The following SIPA1L1 variants were observed in gnomAD, a reference collection of about 807,000 sequenced individuals.
SIPA1L1 encodes signal-induced proliferation-associated 1-like protein 1.
SIPA1L1 carries 26 observed loss-of-function variants against 162.7 expected under a neutral mutation model. The ratio of observed to expected loss-of-function variants is 0.16; its 90% CI spans 0.12 to 0.22. SIPA1L1 has a LOEUF of 0.22. Among genes scored for constraint, SIPA1L1 ranks in the 10% least tolerant of loss-of-function variants. SIPA1L1 has a pLI of 1.00. For missense variants in SIPA1L1, 1,874 were observed against 2,241.0 expected, an observed-to-expected ratio of 0.84 and a Z score of 3.31; for synonymous variants, 829 against 837.4, an observed-to-expected ratio of 0.99 and a Z score of 0.17.
At chr14:71,460,073 TAAAG>T (rs1195845409) in intron 2 of SIPA1L1, among the ~76,000 whole-genome samples, 1 of 152,220 alleles carries the variant, frequency 6.6e-6, no homozygotes, top group Admixed American at 6.5e-5. Context: ...TGTCTCATGA[TAAAG>T]GAAAAGGAAA....
intron 7 of SIPA1L1, among the ~76,000 whole-genome samples, chr14:71,627,174 T>TTTTTTTG (rs2040101213): frequency 9.3e-6 from 1 of 107,344 alleles, no homozygotes; most frequent in African/African-American, 3.8e-5. Context: ...TTTTTTTTTT[T>TTTTTTTG]GAGACAGGGT....
intron 7 of SIPA1L1, among the ~76,000 whole-genome samples, chr14:71,646,713 A>G (rs1245235210): frequency 6.6e-6 from 1 of 152,190 alleles, no homozygotes; most frequent in African/African-American, 2.4e-5. Flanking sequence ...GCTTCATATG[A>G]ACAGCTGATC....
chr14:71,455,108 T>G (rs2046095965), intron 2 of SIPA1L1, among the ~76,000 whole-genome samples: 1 of 152,240 alleles, frequency 6.6e-6, no homozygotes, highest in Non-Finnish European at 1.5e-5. Context: ...TAAGTTCATA[T>G]TTTTATCATG....
chr14:71,480,323 A>G (rs2048247018), intron 2 of SIPA1L1, among the ~76,000 whole-genome samples: 2 of 151,500 alleles, frequency 1.3e-5, no homozygotes, highest in Non-Finnish European at 2.9e-5. Flanking sequence ...GAGTCACCTC[A>G]GTTGATCTGC....
At chr14:71,329,528 C>T (rs1043574448) in intron 2 of SIPA1L1, among the ~76,000 whole-genome samples, 1 of 151,806 alleles carries the variant, frequency 6.6e-6, no homozygotes, top group African/African-American at 2.4e-5. Context: ...GCAACGTCCA[C>T]CTCCCGGGCT....
At chr14:71,537,636 TC>T (rs1297177008) in intron 4 of SIPA1L1, among the ~76,000 whole-genome samples, 2 of 152,170 alleles carry the variant, frequency 1.3e-5, no homozygotes, top group African/African-American at 4.8e-5. Flanking sequence ...TCTCATTCCT[TC>T]AGTGTGGGCG....
chr14:71,679,749 A>C (rs921071886), intron 12 of SIPA1L1, among the ~76,000 whole-genome samples: 32 of 152,334 alleles, frequency 2.1e-4, no homozygotes, highest in East Asian at 3.9e-4. Context: ...TCTACCAAGC[A>C]AATGGAAAAC....
intron 2 of SIPA1L1, among the ~76,000 whole-genome samples, chr14:71,356,287 A>G (rs1369933884): frequency 6.6e-6 from 1 of 152,128 alleles, no homozygotes; most frequent in Non-Finnish European, 1.5e-5. Context: ...TGAAAACATA[A>G]CAAAGATGAT....
chr14:71,397,343 C>T (rs1405266199), intron 2 of SIPA1L1, among the ~76,000 whole-genome samples: 2 of 152,092 alleles, frequency 1.3e-5, no homozygotes, highest in African/African-American at 4.8e-5. Context: ...CCCACTACCC[C>T]AGTTCAGATC....
intron 2 of SIPA1L1, among the ~76,000 whole-genome samples, chr14:71,327,335 C>T (rs140876504): frequency 1.4e-3 from 217 of 152,294 alleles, no homozygotes; most frequent in Non-Finnish European, 2.5e-3. Context: ...CCGCCCGCCT[C>T]GGCCTCCCAG....
intron 16 of SIPA1L1, among the ~76,000 whole-genome samples, chr14:71,707,120 G>GACACACACACGCACGC (rs1263721873): frequency 2.0e-5 from 3 of 149,776 alleles, no homozygotes; most frequent in Non-Finnish European, 3.0e-5. Flanking sequence ...TCTACCAAAA[G>GACACACACACGCACGC]ACACACACAC....
intron 2 of SIPA1L1, among the ~76,000 whole-genome samples, chr14:71,407,146 G>A (rs879449130): frequency 4.6e-5 from 7 of 152,178 alleles, no homozygotes; most frequent in Non-Finnish European, 7.4e-5. Flanking sequence ...GGGTGGCTGA[G>A]GCAGTAGAAT....
At chr14:71,401,492 T>C (rs953517659) in intron 2 of SIPA1L1, among the ~76,000 whole-genome samples, 9 of 152,130 alleles carry the variant, frequency 5.9e-5, no homozygotes, top group Middle Eastern at 3.2e-3. Flanking sequence ...TCTGCAGTTA[T>C]ATTAAACTTT....
chr14:71,579,484 G>A (rs1332923059), intron 4 of SIPA1L1, among the ~76,000 whole-genome samples: 1 of 152,202 alleles, frequency 6.6e-6, no homozygotes, highest in Non-Finnish European at 1.5e-5. Context: ...GCATGTGTGA[G>A]GAAACGAAAT....
chr14:71,595,044 C>T (rs1185919479), intron 5 of SIPA1L1, among the ~76,000 whole-genome samples: 1 of 152,182 alleles, frequency 6.6e-6, no homozygotes, highest in East Asian at 1.9e-4. Flanking sequence ...CTCAGCTGCA[C>T]CCTGATCTGG....
chr14:71,618,099 A>G (rs2039031821), intron 5 of SIPA1L1, among the ~76,000 whole-genome samples: 1 of 152,250 alleles, frequency 6.6e-6, no homozygotes, highest in African/African-American at 2.4e-5. Flanking sequence ...AGGCCAGAAC[A>G]TTGAAGAGAG....
At position 71,559,066 on chromosome 14, in the gene SIPA1L1, T is replaced by C. The variant is rs1019520082; in HGVS notation, c.-302-28505T>C. ...TACTCAATCGTAATTTCAGCTTTAC[T>C]TTTTTTTTTTTTTTTCTTGAGATGG... On this transcript the variant is annotated intron_variant, in intron 4 of 23. Coordinates refer to ENST00000381232, the MANE Select transcript of SIPA1L1 (RefSeq NM_001386936.1). 6.4e-5 allele frequency among the ~76,000 whole-genome samples: 9 copies of C among 139,636 alleles called. No homozygotes were observed. In the East Asian group the frequency reaches 1.4e-3, roughly 22 times the overall value. 91.6% of individuals were successfully genotyped at this position (139,636 alleles called of 152,430 possible).
intron 6 of SIPA1L1, among the ~76,000 whole-genome samples, chr14:71,620,257 C>T (rs371235549): frequency 6.6e-6 from 1 of 152,004 alleles, no homozygotes; most frequent in Non-Finnish European, 1.5e-5. Flanking sequence ...TTAGTAGAGA[C>T]GAGGTTTCTC....
chr14:71,381,709 C>T (rs1284582873), intron 2 of SIPA1L1, among the ~76,000 whole-genome samples: 1 of 152,096 alleles, frequency 6.6e-6, no homozygotes, highest in Non-Finnish European at 1.5e-5. Context: ...AACAGACTTA[C>T]TTTGGTCCTT....
Sources: gnomAD v4.1 joint callset for allele counts (sites outside exome capture counted in the v4.1 genomes callset) on GRCh38, gnomAD v4.1.1 for gene constraint, MANE v1.5 for transcripts, NCBI Gene and HGNC (gene_info 2026-07-23, HGNC 2026-07-21) for gene names.